Variants in CA3 observed in about 807,000 individuals in gnomAD.
The protein encoded by CA3 is CA-III.
Under a neutral mutation model 35.7 loss-of-function variants are expected in CA3, and 30 were observed. The ratio of observed to expected loss-of-function variants is 0.84; its 90% confidence interval spans 0.63 to 1.14. CA3 has a LOEUF of 1.14. Among genes scored for constraint, CA3 ranks in the 50% most tolerant of loss-of-function variants. The pLI, the probability that CA3 is intolerant of heterozygous loss-of-function variation, is 0.00. For synonymous variants in CA3, 131 were observed against 130.8 expected (o/e 1.00, Z -0.01); for missense variants, 295 against 328.5 (o/e 0.90, Z 0.79).
intron 6 of CA3, 92 bp from the exon 7 acceptor site, chr8:85,447,942 A>G: frequency 2.4e-6 from 3 of 1,242,226 alleles, no homozygotes; most frequent in Non-Finnish European, 3.3e-6. Flanking sequence ...CCAACAACAA[A>G]AAAAACCCCA....
Position 85,442,140 on chromosome 8 carries a change from G to T in CA3, c.300G>T (p.Ser100=), listed in dbSNP as rs757597519. Residue 100 remains serine, a synonymous_variant, in exon 3 of 7, where the codon TCG becomes TCT. Coordinates refer to ENST00000285381, the MANE Select transcript of CA3 (RefSeq NM_005181.4). The part of the protein sequence containing the change: ...LRQFHLHWGS[S]DDHGSEHTVD... Reference sequence around the variant, plus strand: ...AGTTTCATCTTCACTGGGGCTCTTCGGATGATCATGGCTCTGAGCACACCG... The same window carrying T: ...AGTTTCATCTTCACTGGGGCTCTTCTGATGATCATGGCTCTGAGCACACCG... 6.2e-7 allele frequency: 1 copy of T among 1,611,746 alleles called. No individual in the cohort carries two copies. The highest frequency in any genetic ancestry group is 1.1e-5 in the South Asian group (1 of 91,008).
chr8:85,446,508 TA>T (rs887814011), intron 6 of CA3, among the ~76,000 whole-genome samples: 1 of 152,232 alleles, frequency 6.6e-6, no homozygotes, highest in Non-Finnish European at 1.5e-5. Flanking sequence ...GCAACTCATT[TA>T]AAAGTAGTTT....
At chr8:85,441,807 T>G in intron 2 of CA3, 1 of 416,570 alleles carries the variant, frequency 2.4e-6, no homozygotes, top group Non-Finnish European at 4.5e-6. Context: ...TTGTTTTAAT[T>G]TTGCTTTCCT....
At chr8:85,439,470 T>A (rs1811177280) in intron 1 of CA3, among the ~76,000 whole-genome samples, 1 of 152,210 alleles carries the variant, frequency 6.6e-6, no homozygotes, top group Non-Finnish European at 1.5e-5. Flanking sequence ...AAAGTTTATC[T>A]GAAAAATAAG....
chr8:85,445,370 A>G, intron 5 of CA3, 152 bp downstream of exon 5: 1 of 562,828 alleles, frequency 1.8e-6, no homozygotes, highest in Admixed American at 3.6e-5. Context: ...TTATATTTGT[A>G]TGGCATACAG....
intron 5 of CA3, among the ~76,000 whole-genome samples, chr8:85,445,933 T>C (rs1811282711): frequency 6.6e-6 from 1 of 152,250 alleles, no homozygotes; most frequent in Admixed American, 6.5e-5. Flanking sequence ...GAACACAGTA[T>C]GACAGTGATT....
chr8:85,440,176 G>A (rs568643700), intron 2 of CA3, among the ~76,000 whole-genome samples: 11 of 152,276 alleles, frequency 7.2e-5, no homozygotes, highest in African/African-American at 2.6e-4. Flanking sequence ...GAACACGATA[G>A]GACAGAGATG....
At position 85,446,309 on chromosome 8, in the gene CA3, T is replaced by G; in HGVS notation, c.663+12T>G. The G allele has an allele frequency of 6.2e-7, 1 of 1,606,672 alleles. No individual in the cohort carries two copies. Among genetic ancestry groups the G allele is most frequent in the Non-Finnish European group, 8.5e-7 (1 of 1,174,480 alleles). The stretch of plus-strand genomic sequence containing the variant: ...TGAGCTCTGACCAGGTGAGCAGCCT[T>G]GTGAACACGTGGGCTTATGTTGCTG... On this transcript the variant is annotated intron_variant, in intron 6 of 6. Transcript: ENST00000285381.
intron 5 of CA3, among the ~76,000 whole-genome samples, chr8:85,445,689 A>G (rs185515920): frequency 3.3e-4 from 51 of 152,314 alleles, no homozygotes; most frequent in Admixed American, 2.3e-3. Context: ...AAACATTTTA[A>G]TTATTTTTTT....
At position 85,442,104 on chromosome 8, in the gene CA3, C is replaced by G; in HGVS notation, c.264C>G (p.Tyr88Ter). 1.2e-6 allele frequency: 2 copies of G among 1,603,822 alleles called. No individual in the cohort carries two copies. Among genetic ancestry groups the G allele is most frequent in the Non-Finnish European group, 1.7e-6 (2 of 1,170,604 alleles). ...GAGGGGGTCCTCTCCCTGGACCCTA[C>G]CGACTTCGCCAGTTTCATCTTCACT... The part of the protein sequence containing the change: ...MLRGGPLPGP[Y>*]RLRQFHLHWG... Residue 88 changes from tyrosine (Y) to a stop codon, truncating the protein, a stop_gained, in exon 3 of 7, where the codon TAC (tyrosine) becomes TAG (stop). Transcript: ENST00000285381. LOFTEE classifies it high-confidence loss of function.
At chr8:85,445,951 A>T (rs1811283111) in intron 5 of CA3, among the ~76,000 whole-genome samples, 191 bp from the exon 6 acceptor site, 2 of 152,246 alleles carry the variant, frequency 1.3e-5, no homozygotes, top group South Asian at 4.1e-4. Context: ...ATTGTGTCAG[A>T]TCAAGTAATA....
chr8:85,446,893 A>G (rs1005339982), intron 6 of CA3, among the ~76,000 whole-genome samples: 1 of 152,204 alleles, frequency 6.6e-6, no homozygotes, highest in Non-Finnish European at 1.5e-5. Flanking sequence ...CATTAAAGAC[A>G]CTATCAAGGA....
intron 6 of CA3, 152 bp downstream of exon 6, chr8:85,446,449 G>C (rs929321781): frequency 4.5e-6 from 4 of 885,136 alleles, no homozygotes; most frequent in Non-Finnish European, 4.9e-6. Flanking sequence ...ATTACAACCA[G>C]CCTGTTCAGC....
rs3808482 is a variant in CA3 at position 85,443,481 on chromosome 8, C to T, written c.352-553C>T. ...TGGTTAAATTAAATTCTGTGAAACCCAAAGTACTTCACTGTGATCTTTCTG... is the reference window on the plus strand; with the variant it reads ...TGGTTAAATTAAATTCTGTGAAACCTAAAGTACTTCACTGTGATCTTTCTG... On this transcript the variant is annotated intron_variant, in intron 3 of 6. Coordinates refer to ENST00000285381, the MANE Select transcript of CA3 (RefSeq NM_005181.4). Among the ~76,000 whole-genome samples the T allele has an allele frequency of 1.1e-4, 17 of 152,276 alleles. 1 individual carries two copies. In the East Asian group the frequency reaches 3.3e-3, roughly 29 times the overall value.
At chr8:85,439,622 G>A in intron 1 of CA3, 90 bp from the exon 2 acceptor site, 2 of 848,718 alleles carry the variant, frequency 2.4e-6, no homozygotes, top group South Asian at 3.2e-5. Flanking sequence ...TCACTGTCTA[G>A]CCTCTCTGTA....
rs1811246982 is a variant in CA3 at position 85,444,210 on chromosome 8, T to C, written c.444+84T>C. 8.7e-6 allele frequency: 7 copies of C among 802,260 alleles called. No homozygotes were observed. The South Asian group carries it at 9.0e-5, about 10-fold the overall frequency. The allele number at this position is 802,260 out of a possible 1,614,324, so 49.7% of individuals were successfully genotyped here. ...GCATAGTTTGAGTTTCATTTCCTCA[T>C]TTTTACCTTCCTCCTTTCATATGCA... is the stretch of plus-strand genomic sequence containing the variant. On this transcript the variant is annotated intron_variant, in intron 4 of 6. Coordinates refer to ENST00000285381, the MANE Select transcript of CA3 (RefSeq NM_005181.4).
chr8:85,443,785 G>C (rs1300647139), intron 3 of CA3, among the ~76,000 whole-genome samples: 1 of 152,156 alleles, frequency 6.6e-6, no homozygotes, highest in Non-Finnish European at 1.5e-5. Context: ...CTAAATTAAG[G>C]TCAGGTTGCC....
chr8:85,446,680 T>C (rs1238142749), intron 6 of CA3, among the ~76,000 whole-genome samples: 3 of 152,210 alleles, frequency 2.0e-5, no homozygotes. Context: ...ATGGAAAGGA[T>C]TTAACAATTT....
At chr8:85,441,688 A>G (rs999711648) in intron 2 of CA3, among the ~76,000 whole-genome samples, 1 of 152,228 alleles carries the variant, frequency 6.6e-6, no homozygotes, top group African/African-American at 2.4e-5. Context: ...CAAGGGGTGA[A>G]GCCAGCATTG....
Sources: allele counts gnomAD v4.1 joint callset (sites outside exome capture counted in the v4.1 genomes callset), GRCh38; gene constraint gnomAD v4.1.1; transcripts MANE v1.5; gene names NCBI Gene and HGNC (gene_info 2026-07-23, HGNC 2026-07-21).